The following NNMT variants were observed in gnomAD, a reference collection of about 807,000 sequenced individuals.
NNMT encodes the protein nicotinamide N-methyltransferase.
Under a neutral mutation model 11.7 loss-of-function variants are expected in NNMT, and 10 were observed. That is an observed-to-expected ratio of 0.85 (90% CI 0.53 to 1.45). The LOEUF (loss-of-function observed/expected upper bound fraction) is 1.45. NNMT is among the 40% of genes most tolerant of loss of function. The pLI is 0.00. For synonymous variants in NNMT, 143 were observed against 133.8 expected (o/e 1.07, Z -0.48); for missense variants, 381 against 319.4 (o/e 1.19, Z -1.47).
chr11:114,267,960 T>C (rs943711026), intron 2 of NNMT, among the ~76,000 whole-genome samples: 1 of 152,242 alleles, frequency 6.6e-6, no homozygotes, highest in Non-Finnish European at 1.5e-5. Flanking sequence ...ACCCACATAC[T>C]GCATCGATTT....
intron 2 of NNMT, among the ~76,000 whole-genome samples, chr11:114,282,821 A>G (rs1420675704): frequency 1.3e-5 from 2 of 152,206 alleles, no homozygotes; most frequent in Non-Finnish European, 2.9e-5. Flanking sequence ...CTTGCCTGCC[A>G]TCATGGTCTG....
At chr11:114,303,354 G>A (rs1405217954) in intron 2 of NNMT, among the ~76,000 whole-genome samples, 1 of 152,090 alleles carries the variant, frequency 6.6e-6, no homozygotes, top group Non-Finnish European at 1.5e-5. Context: ...TCTCTTACCA[G>A]TATTTATTAT....
intron 1 of NNMT, among the ~76,000 whole-genome samples, chr11:114,262,315 G>A (rs1431414503): frequency 6.6e-6 from 1 of 152,090 alleles, no homozygotes; most frequent in Admixed American, 6.5e-5. Context: ...TAGTTACTAA[G>A]CCCAGCATTC....
At chr11:114,302,096 C>T (rs1178207161) in intron 2 of NNMT, among the ~76,000 whole-genome samples, 1 of 151,772 alleles carries the variant, frequency 6.6e-6, no homozygotes, top group Non-Finnish European at 1.5e-5. Flanking sequence ...CTTTTTAATC[C>T]AGACTGACAA....
intron 2 of NNMT, among the ~76,000 whole-genome samples, chr11:114,301,525 C>T (rs1009276853): frequency 1.3e-5 from 2 of 152,030 alleles, no homozygotes; most frequent in African/African-American, 4.8e-5. Flanking sequence ...TCTTAAAAGG[C>T]TACATGTATG....
At chr11:114,279,714 A>G (rs1384918686) in intron 2 of NNMT, among the ~76,000 whole-genome samples, 1 of 152,268 alleles carries the variant, frequency 6.6e-6, no homozygotes, top group Non-Finnish European at 1.5e-5. Flanking sequence ...CCCTGCAATC[A>G]GACTTCACCA....
chr11:114,258,457 G>T (rs1423480725), intron 1 of NNMT, among the ~76,000 whole-genome samples: 1 of 152,204 alleles, frequency 6.6e-6, no homozygotes, highest in African/African-American at 2.4e-5. Context: ...CAAGGCCAAG[G>T]CCGCCTCCCT....
chr11:114,309,180 T>C (rs898156734), intron 2 of NNMT, among the ~76,000 whole-genome samples: 1 of 152,216 alleles, frequency 6.6e-6, no homozygotes, highest in African/African-American at 2.4e-5. Context: ...TATGTGCAGA[T>C]AGGTTACTTA....
intron 2 of NNMT, 70 bp downstream of exon 2, chr11:114,298,228 A>T: frequency 2.2e-6 from 3 of 1,334,840 alleles, no homozygotes; most frequent in Non-Finnish European, 3.2e-6. Context: ...AGCAACAGAC[A>T]GATAGGGACC....
chr11:114,288,598 G>T (rs1335535011), intron 2 of NNMT, among the ~76,000 whole-genome samples: 1 of 152,094 alleles, frequency 6.6e-6, no homozygotes. Flanking sequence ...AGAAAATTAG[G>T]CTCTTGAGTT....
upstream of NNMT, among the ~76,000 whole-genome samples, chr11:114,291,696 T>A (rs1945336538): frequency 6.6e-6 from 1 of 152,140 alleles, no homozygotes; most frequent in Non-Finnish European, 1.5e-5. Flanking sequence ...AGCTTTTTGA[T>A]GCTTGGTTCT....
At chr11:114,292,138 C>G (rs1029512331), upstream of NNMT, among the ~76,000 whole-genome samples, 7 of 152,040 alleles carry the variant, frequency 4.6e-5, no homozygotes, top group Non-Finnish European at 7.4e-5. Context: ...TTTAGCATAT[C>G]TTCCTATTTA....
intron 2 of NNMT, among the ~76,000 whole-genome samples, chr11:114,263,618 G>A (rs116680378): frequency 0.012 from 1,788 of 152,280 alleles, 41 homozygotes; most frequent in African/African-American, 0.039. Flanking sequence ...GGCAGATAAC[G>A]CACAAACCAC....
chr11:114,298,087 G>A lies in NNMT; in HGVS notation c.291G>A (p.Trp97Ter), dbSNP rs143577747. The change falls in exon 2 of 3, where the codon TGG (tryptophan) becomes TGA (stop). Residue 97 changes from tryptophan (W) to a stop codon, truncating the protein, a stop_gained. Coordinates refer to ENST00000299964, the MANE Select transcript of NNMT (RefSeq NM_006169.3). LOFTEE classifies it high-confidence loss of function. Reference protein sequence around the residue: ...SDQNLQELEKWLKKEPEAFDW... With the variant: ...SDQNLQELEK Reference sequence around the variant, plus strand: ...AGAACCTGCAGGAGCTGGAGAAGTGGCTGAAGAAAGAGCCAGAGGCCTTTG... The same window carrying A: ...AGAACCTGCAGGAGCTGGAGAAGTGACTGAAGAAAGAGCCAGAGGCCTTTG... 4 of 1,614,064 alleles carry A rather than the reference G, an allele frequency of 2.5e-6. No homozygotes were observed. The African/African-American group carries it at 5.3e-5, about 22-fold the overall frequency.
chr11:114,265,829 C>A (rs1945115690), intron 2 of NNMT, among the ~76,000 whole-genome samples: 1 of 151,942 alleles, frequency 6.6e-6, no homozygotes, highest in Admixed American at 6.5e-5. Context: ...CTTAGTTGTC[C>A]AATCTGTTAT....
chr11:114,298,112 G>C lies in NNMT; in HGVS notation c.316G>C (p.Asp106His). Residue 106 changes from aspartate to histidine, a missense_variant, in exon 2 of 3, where the codon GAC (aspartate) becomes CAC (histidine). By Grantham distance (81) the Asp-to-His change is moderately conservative. Transcript: ENST00000299964. ...KWLKKEPEAFDWSPVVTYVCD... is the reference protein window; with the variant it reads ...KWLKKEPEAFHWSPVVTYVCD... ...GCTGAAGAAAGAGCCAGAGGCCTTT[G>C]ACTGGTCCCCAGTGGTGACCTATGT... The C allele has an allele frequency of 1.2e-6, 2 of 1,614,146 alleles. No homozygotes were observed. Among genetic ancestry groups the C allele is most frequent in the Non-Finnish European group, 8.5e-7 (1 of 1,180,034 alleles).
In NNMT at chr11:114,312,203, C is replaced by T. The variant is rs372156533; in HGVS notation, c.521C>T (p.Pro174Leu). 2 of 1,614,106 alleles carry T rather than the reference C, an allele frequency of 1.2e-6. No individual in the cohort carries two copies. The highest frequency in any genetic ancestry group is 1.7e-5 in the Admixed American group (1 of 60,004). The change falls in exon 3 of 3, where the codon CCC (proline) becomes CTC (leucine). Residue 174 changes from proline (P) to leucine (L), a missense_variant. By Grantham distance (98) the Pro-to-Leu change is moderately conservative. Coordinates refer to ENST00000299964, the MANE Select transcript of NNMT (RefSeq NM_006169.3). ...LCLDAACPDL[P>L]TYCRALRNLG... ...CTGGATGCCGCCTGCCCAGACCTCC[C>T]CACCTACTGCAGGGCGCTCAGGAAC... is the stretch of plus-strand genomic sequence containing the variant.
At chr11:114,264,613 A>T (rs1269756124) in intron 2 of NNMT, among the ~76,000 whole-genome samples, 1 of 152,164 alleles carries the variant, frequency 6.6e-6, no homozygotes, top group African/African-American at 2.4e-5. Flanking sequence ...AGATAGCATC[A>T]GATCCCACAG....
chr11:114,302,554 TTTTA>T (rs1045094877), intron 2 of NNMT, among the ~76,000 whole-genome samples: 4 of 152,142 alleles, frequency 2.6e-5, no homozygotes, highest in East Asian at 3.8e-4. Context: ...TTAGTAGTGA[TTTTA>T]TTTATTTTTA....
Sources: gnomAD v4.1 joint callset for allele counts (sites outside exome capture counted in the v4.1 genomes callset) on GRCh38, gnomAD v4.1.1 for gene constraint, MANE v1.5 for transcripts, NCBI Gene and HGNC (gene_info 2026-07-23, HGNC 2026-07-21) for gene names.